The following OLFM1 variants were observed in gnomAD, a reference collection of about 807,000 sequenced individuals.
OLFM1 encodes olfactomedin 1.
OLFM1 carries 9 observed loss-of-function variants against 49.7 expected under a neutral mutation model. The ratio of observed to expected loss-of-function variants is 0.18; its 90% CI spans 0.11 to 0.32. OLFM1 has a LOEUF of 0.32. Among genes scored for constraint, OLFM1 ranks in the 10% least tolerant of loss-of-function variants. The pLI is 1.00. For missense variants in OLFM1, 369 were observed against 661.8 expected, an observed-to-expected ratio of 0.56 and a Z score of 4.85; for synonymous variants, 240 against 271.8, an observed-to-expected ratio of 0.88 and a Z score of 1.15.
rs1830828132 is a variant in OLFM1, at chr9:135,098,429, C to T, written c.600C>T (p.Gly200=). Residue 200 remains glycine, a synonymous_variant, in exon 4 of 6, where the codon GGC becomes GGT. Coordinates refer to ENST00000371793, the MANE Select transcript of OLFM1 (RefSeq NM_001282611.2). The surrounding 1 kb of genome is among the most constrained non-coding windows in gnomAD (Gnocchi z 5.6). ...TTAACGAGCTGCAAGAGGAAATTGG[C>T]GCCTATGACTACGATGAACTTCAGA... The part of the protein sequence containing the change: ...SVLNELQEEI[G]AYDYDELQSR... 1 of 1,613,846 alleles carries T rather than the reference C, an allele frequency of 6.2e-7. No individual in the cohort carries two copies. Among genetic ancestry groups the T allele is most frequent in the Non-Finnish European group, 8.5e-7 (1 of 1,180,024 alleles).
In OLFM1 at chr9:135,118,001, G is replaced by A. The variant is rs189548324; in HGVS notation, c.784-1503G>A. ...AGTGTGCTGGGTTTGGAGGTAGGAC[G>A]TGGCACCCTTTGGTTGTGACTACTC... On this transcript the variant is annotated intron_variant, in intron 5 of 5. Transcript: ENST00000371793. 2.2e-3 allele frequency among the ~76,000 whole-genome samples: 339 copies of A among 152,326 alleles called. 5 individuals are homozygous for A. The highest frequency in any genetic ancestry group is 7.8e-3 in the African/African-American group (326 of 41,580).
intron 2 of OLFM1, among the ~76,000 whole-genome samples, chr9:135,091,760 CTCACACAG>C (rs1475449058): frequency 8.1e-6 from 1 of 123,708 alleles, no homozygotes; most frequent in Non-Finnish European, 1.7e-5. Context: ...GTCACACACA[CTCACACAG>C]TCACACACAC....
intron 1 of OLFM1, chr9:135,076,809 C>A: frequency 6.5e-7 from 1 of 1,537,270 alleles, no homozygotes; most frequent in Admixed American, 2.0e-5. Flanking sequence ...CCATCTCCCT[C>A]AGAATAAAAG....
upstream of OLFM1, chr9:135,086,592 G>T: frequency 4.4e-6 from 2 of 456,074 alleles, no homozygotes; most frequent in South Asian, 3.1e-5. Context: ...TTCCCAAATG[G>T]CTGGGAAAGC....
At chr9:135,082,122 G>A (rs547400804) in intron 1 of OLFM1, among the ~76,000 whole-genome samples, 6 of 152,350 alleles carry the variant, frequency 3.9e-5, no homozygotes, top group Non-Finnish European at 7.3e-5. Context: ...CAGCAGCAGG[G>A]ATCTTGCCCG....
intron 1 of OLFM1, chr9:135,077,062 C>T (rs1187476439): frequency 2.1e-6 from 3 of 1,406,824 alleles, no homozygotes; most frequent in South Asian, 2.5e-5. Flanking sequence ...TTCTGCATGG[C>T]CTCTAGGAGA....
upstream of OLFM1, among the ~76,000 whole-genome samples, chr9:135,084,590 GTC>G (rs147316858): frequency 2.9e-4 from 42 of 146,664 alleles, no homozygotes; most frequent in African/African-American, 5.4e-4. The surrounding 1 kb of genome is among the most constrained non-coding windows in gnomAD (Gnocchi z 4.6). Context: ...CTCTGCCTTT[GTC>G]TCTCTCTCTC....
In OLFM1 at chr9:135,076,002, C is replaced by CT. The variant is rs971674221; in HGVS notation, c.96+200_96+201insT. ...GGGAGGGGTGCAGGCTGACCGGAGA[C>CT]GGCGCTCCTCCAGCCCCGGCTCAGC... is the stretch of plus-strand genomic sequence containing the variant. On this transcript the variant is annotated intron_variant, in intron 1 of 5. Coordinates refer to the OLFM1 transcript ENST00000252854. 3.5e-6 allele frequency: 5 copies of CT among 1,437,844 alleles called. No individual in the cohort carries two copies. The African/African-American group carries it at 7.3e-5, about 21-fold the overall frequency. The allele number at this position is 1,437,844 out of a possible 1,614,324, so 89.1% of individuals were successfully genotyped here.
chr9:135,076,742 A>G (rs926851139), intron 1 of OLFM1: 3 of 1,464,300 alleles, frequency 2.0e-6, no homozygotes, highest in African/African-American at 1.4e-5. Context: ...ATGGGCAGCC[A>G]GTACCTTGGC....
chr9:135,103,794 G>A (rs972792352), intron 4 of OLFM1, among the ~76,000 whole-genome samples: 1 of 152,182 alleles, frequency 6.6e-6, no homozygotes, highest in Non-Finnish European at 1.5e-5. Flanking sequence ...TCTGTGGCAG[G>A]TGCTGTCCCA....
Position 135,098,205 on chromosome 9 carries a change from A to C in OLFM1, c.457-81A>C. ...AGCGGGAATATACACACTTTCCCTC[A>C]CCTAGGGAGAAGCCAGGCCAAGGCA... is the stretch of plus-strand genomic sequence containing the variant. On this transcript the variant is annotated intron_variant, in intron 3 of 5. Coordinates refer to ENST00000371793, the MANE Select transcript of OLFM1 (RefSeq NM_001282611.2). The surrounding 1 kb of genome is among the most constrained non-coding windows in gnomAD (Gnocchi z 5.6). 6.5e-7 allele frequency: 1 copy of C among 1,539,216 alleles called. No individual in the cohort carries two copies. The highest frequency in any genetic ancestry group is 2.3e-5 in the East Asian group (1 of 44,244).
At chr9:135,100,941 ATT>A (rs1830862498) in intron 4 of OLFM1, among the ~76,000 whole-genome samples, 1 of 152,084 alleles carries the variant, frequency 6.6e-6, no homozygotes, top group Non-Finnish European at 1.5e-5. Context: ...TGATTGATTG[ATT>A]GATAGATGAT....
At chr9:135,086,743 C>T, upstream of OLFM1, 2 of 455,270 alleles carry the variant, frequency 4.4e-6, no homozygotes, top group South Asian at 3.1e-5. Flanking sequence ...CTGCGGTCGC[C>T]GCAGAGGGCC....
intron 5 of OLFM1, among the ~76,000 whole-genome samples, chr9:135,112,194 T>A (rs1053995253): frequency 6.7e-6 from 1 of 149,020 alleles, no homozygotes; most frequent in Admixed American, 6.7e-5. Flanking sequence ...GGGAGGGACA[T>A]GCACTGGCCG....
rs1830641721 is a variant in OLFM1, at chr9:135,088,923, C to T, written c.150+784C>T. ...TGGCCGGGGCTGCTTCTGGGCAGAG[C>T]TGACTTAGATGGCTGAGCGAGGCTG... On this transcript the variant is annotated intron_variant, in intron 1 of 5. Coordinates refer to ENST00000371793, the MANE Select transcript of OLFM1 (RefSeq NM_001282611.2). This position sits in a 1 kb window ranked among gnomAD's most constrained non-coding sequence, Gnocchi z 4.8. Among the ~76,000 whole-genome samples the T allele has an allele frequency of 6.6e-6, 1 of 152,226 alleles. No individual in the cohort carries two copies. The highest frequency in any genetic ancestry group is 1.5e-5 in the Non-Finnish European group (1 of 68,038).
chr9:135,076,164 G>A, intron 1 of OLFM1: 1 of 1,550,204 alleles, frequency 6.5e-7, no homozygotes, highest in Non-Finnish European at 8.7e-7. Context: ...GGATAGCCAA[G>A]ACCCCAGGCA....
At position 135,088,492 on chromosome 9, in the gene OLFM1, C is replaced by G. The variant is rs1391408394; in HGVS notation, c.150+353C>G. Among the ~76,000 whole-genome samples, 1 of 152,042 alleles carries G rather than the reference C, an allele frequency of 6.6e-6. No individual in the cohort carries two copies. Among genetic ancestry groups the G allele is most frequent in the Non-Finnish European group, 1.5e-5 (1 of 67,992 alleles). ...CATTGAAAAGGTTAGGAAACTAAGG[C>G]TGGGGACTTGGGGACTTGTCCAAGG... On this transcript the variant is annotated intron_variant, in intron 1 of 5. Transcript: ENST00000371793. This position sits in a 1 kb window ranked among gnomAD's most constrained non-coding sequence, Gnocchi z 4.8.
chr9:135,108,610 G>A (rs188535029), intron 5 of OLFM1, among the ~76,000 whole-genome samples: 117 of 151,818 alleles, frequency 7.7e-4, no homozygotes, highest in African/African-American at 2.8e-3. Flanking sequence ...TCCAGCCTGG[G>A]TGATAGAGCG....
intron 4 of OLFM1, 31 bp from the exon 5 acceptor site, chr9:135,106,718 T>A: frequency 6.3e-7 from 1 of 1,596,402 alleles, no homozygotes; most frequent in Non-Finnish European, 8.6e-7. Context: ...GCCCCCGCCC[T>A]CCCTCTCCTG....
Sources: gnomAD v4.1 joint callset for allele counts (sites outside exome capture counted in the v4.1 genomes callset) on GRCh38, gnomAD v4.1.1 for gene constraint, Gnocchi (gnomAD v3.1) non-coding constraint, MANE v1.5 for transcripts, NCBI Gene and HGNC (gene_info 2026-07-23, HGNC 2026-07-21) for gene names.